PCDH9: variants seen among roughly 807,000 people sequenced by gnomAD.
PCDH9 encodes the protein protocadherin-9.
In PCDH9, 24 loss-of-function variants were observed where a neutral mutation model predicts 70.6. The ratio of observed to expected loss-of-function variants is 0.34; its 90% CI spans 0.25 to 0.48. PCDH9 has a LOEUF of 0.48. Ranked by LOEUF, PCDH9 falls within the 20% of genes least tolerant of loss-of-function variation. The pLI, the probability that PCDH9 is intolerant of heterozygous loss-of-function variation, is 0.99. For synonymous variants in PCDH9, 562 were observed against 558.5 expected, an observed-to-expected ratio of 1.01 and a Z score of -0.09; for missense variants, 1,281 against 1,503.6, an observed-to-expected ratio of 0.85 and a Z score of 2.45.
At chr13:66,611,071 T>C (rs530236151) in intron 4 of PCDH9, among the ~76,000 whole-genome samples, 14 of 152,288 alleles carry the variant, frequency 9.2e-5, no homozygotes, top group South Asian at 8.3e-4. Flanking sequence ...CAGTAGAATG[T>C]TCAGGCACGA....
intron 4 of PCDH9, among the ~76,000 whole-genome samples, chr13:66,573,184 G>A (rs941717248): frequency 2.0e-5 from 3 of 151,180 alleles, no homozygotes; most frequent in South Asian, 4.2e-4. Context: ...GATGATTAGT[G>A]ATGCTGAACA....
chr13:66,344,942 C>T (rs1956189883), intron 4 of PCDH9, among the ~76,000 whole-genome samples: 1 of 152,152 alleles, frequency 6.6e-6, no homozygotes, highest in Non-Finnish European at 1.5e-5. Context: ...CTAAGGAATT[C>T]AAAGGCTTTC....
chr13:67,004,929 G>A (rs187631383), intron 2 of PCDH9, among the ~76,000 whole-genome samples: 2 of 152,110 alleles, frequency 1.3e-5, no homozygotes. Flanking sequence ...TTTCTCTAAG[G>A]AAGAAAGGGG....
chr13:66,446,862 C>T (rs1002260899), intron 4 of PCDH9, among the ~76,000 whole-genome samples: 1 of 151,954 alleles, frequency 6.6e-6, no homozygotes, highest in Non-Finnish European at 1.5e-5. Flanking sequence ...ATATAGAATG[C>T]ACTTGTAAAT....
At chr13:66,556,484 G>T (rs1223496815) in intron 4 of PCDH9, among the ~76,000 whole-genome samples, 1 of 152,032 alleles carries the variant, frequency 6.6e-6, no homozygotes, top group Admixed American at 6.6e-5. Context: ...ACATTCCATT[G>T]CCCCAAACTG....
chr13:67,118,336 T>G (rs1175380507), intron 2 of PCDH9, among the ~76,000 whole-genome samples: 2 of 152,186 alleles, frequency 1.3e-5, no homozygotes. Context: ...CTTCCTGCAG[T>G]AAGAATAAAT....
intron 3 of PCDH9, among the ~76,000 whole-genome samples, chr13:66,745,624 T>C (rs2079349762): frequency 6.6e-6 from 1 of 152,182 alleles, no homozygotes; most frequent in African/African-American, 2.4e-5. Flanking sequence ...CTCACATGGC[T>C]GTGTTTAGAT....
At position 66,303,118 on chromosome 13, in the gene PCDH9, T is replaced by G. The variant is rs955760979; in HGVS notation, c.*1537A>C. 1.3e-5 allele frequency: 2 copies of G among 152,416 alleles called. No individual in the cohort carries two copies. Among genetic ancestry groups the G allele is most frequent in the Non-Finnish European group, 2.9e-5 (2 of 67,962 alleles). 9.4% of individuals were successfully genotyped at this position (152,416 alleles called of 1,614,324 possible). The stretch of plus-strand genomic sequence containing the variant: ...CCTTTTTTTTAAATTTTTTGTTTTT[T>G]TTTTGTTTTTTTTACTTTTAAATTG... On this transcript the variant is annotated 3_prime_UTR_variant, in exon 5 of 5. Transcript: ENST00000377865.
At chr13:66,372,649 A>C (rs1956676673) in intron 4 of PCDH9, among the ~76,000 whole-genome samples, 1 of 151,758 alleles carries the variant, frequency 6.6e-6, no homozygotes, top group Non-Finnish European at 1.5e-5. Flanking sequence ...TAAGTTTAAA[A>C]GCATATTGGA....
At chr13:66,566,744 C>A (rs183805329) in intron 4 of PCDH9, among the ~76,000 whole-genome samples, 2 of 66,686 alleles carry the variant, frequency 3.0e-5, no homozygotes, top group East Asian at 9.2e-4. Flanking sequence ...AAGGGCCCGT[C>A]TTGATGGTCA....
chr13:66,488,146 G>A (rs776660668), intron 4 of PCDH9, among the ~76,000 whole-genome samples: 1 of 152,052 alleles, frequency 6.6e-6, no homozygotes, highest in Non-Finnish European at 1.5e-5. Context: ...AATTTATGCC[G>A]ACACTATACA....
intron 3 of PCDH9, among the ~76,000 whole-genome samples, chr13:66,819,981 G>A (rs1167473487): frequency 6.6e-6 from 1 of 152,078 alleles, no homozygotes; most frequent in Non-Finnish European, 1.5e-5. Flanking sequence ...ATGTTCAATA[G>A]AAAAGATAAT....
In PCDH9 at chr13:67,148,641, T is replaced by A. The variant is rs796173591; in HGVS notation, c.3036+76764A>T. Reference sequence around the variant, plus strand: ...TTTAAATTTAAAACTTAGCATTTTATATTTCAGTCATGTTTTTCTTCGATG... The same window carrying A: ...TTTAAATTTAAAACTTAGCATTTTAAATTTCAGTCATGTTTTTCTTCGATG... On this transcript the variant is annotated intron_variant, in intron 2 of 4. Transcript: ENST00000377865. Among the ~76,000 whole-genome samples the A allele has an allele frequency of 3.3e-5, 5 of 152,192 alleles. No individual in the cohort carries two copies. In the East Asian group the frequency reaches 9.6e-4, roughly 29 times the overall value.
chr13:66,381,893 G>A (rs1038387393), intron 4 of PCDH9, among the ~76,000 whole-genome samples: 2 of 151,882 alleles, frequency 1.3e-5, no homozygotes, highest in Non-Finnish European at 2.9e-5. Flanking sequence ...ACTCTAAATG[G>A]CTATAATTAA....
chr13:66,566,478 T>C (rs542817731), intron 4 of PCDH9, among the ~76,000 whole-genome samples: 11 of 152,230 alleles, frequency 7.2e-5, no homozygotes, highest in South Asian at 2.1e-4. Flanking sequence ...AATAAAGAAA[T>C]AGCAATAAGG....
rs190860827 is a variant in PCDH9 at position 66,368,810 on chromosome 13, C to T, written c.3341-63782G>A. Among the ~76,000 whole-genome samples the T allele has an allele frequency of 3.6e-3, 542 of 152,086 alleles. 2 individuals are homozygous for T. Among genetic ancestry groups the T allele is most frequent in the African/African-American group, 0.013 (524 of 41,494 alleles). Reference sequence around the variant, plus strand: ...TTGGAAGCCAAGGAGGAGCAAGTCACGTCTTACATGGATGGCAGCAGGCAA... The same window carrying T: ...TTGGAAGCCAAGGAGGAGCAAGTCATGTCTTACATGGATGGCAGCAGGCAA... On this transcript the variant is annotated intron_variant, in intron 4 of 4. Coordinates refer to ENST00000377865, the MANE Select transcript of PCDH9 (RefSeq NM_203487.3).
chr13:66,637,451 G>A (rs1223217812), intron 3 of PCDH9, among the ~76,000 whole-genome samples: 2 of 151,990 alleles, frequency 1.3e-5, no homozygotes, highest in Non-Finnish European at 2.9e-5. Flanking sequence ...CTTTTCTAGT[G>A]GTAATAAATA....
intron 4 of PCDH9, among the ~76,000 whole-genome samples, chr13:66,425,049 C>T (rs900550776): frequency 3.3e-5 from 5 of 151,938 alleles, no homozygotes; most frequent in Non-Finnish European, 5.9e-5. Context: ...AATATTTCAG[C>T]TTACATCAAC....
At chr13:66,861,162 TG>T (rs771245770) in intron 3 of PCDH9, among the ~76,000 whole-genome samples, 16 of 152,198 alleles carry the variant, frequency 1.1e-4, no homozygotes, top group Admixed American at 2.6e-4. Flanking sequence ...ATCACCCAAA[TG>T]TACTTGAAAG....
Sources: allele counts gnomAD v4.1 joint callset (sites outside exome capture counted in the v4.1 genomes callset), GRCh38; gene constraint gnomAD v4.1.1; transcripts MANE v1.5; gene names NCBI Gene and HGNC (gene_info 2026-07-23, HGNC 2026-07-21).